AASDH: variants seen among roughly 807,000 people sequenced by gnomAD.
The protein encoded by AASDH is beta-alanine-activating enzyme.
In AASDH, 81 loss-of-function variants were observed where a neutral mutation model predicts 102.3. The ratio of observed to expected loss-of-function variants is 0.79; its 90% confidence interval spans 0.66 to 0.95. AASDH has a LOEUF of 0.95. AASDH is among the 40% of genes least tolerant of loss of function. AASDH has a pLI of 0.00. For synonymous variants in AASDH, 398 were observed against 454.0 expected, an observed-to-expected ratio of 0.88 and a Z score of 1.57; for missense variants, 1,203 against 1,266.2, an observed-to-expected ratio of 0.95 and a Z score of 0.76.
intron 3 of AASDH, among the ~76,000 whole-genome samples, chr4:56,378,805 A>T (rs927253673): frequency 6.7e-4 from 82 of 122,780 alleles, no homozygotes; most frequent in African/African-American, 9.0e-4. Flanking sequence ...TTTTCTGAAT[A>T]TTTTCTTTTT....
rs565738101 is a variant in AASDH at position 56,352,227 on chromosome 4, C to CAGAT, written c.1577-771_1577-770insATCT. Among the ~76,000 whole-genome samples the CAGAT allele has an allele frequency of 4.6e-5, 7 of 152,132 alleles. No homozygotes were observed. The East Asian group carries it at 1.4e-3, about 29-fold the overall frequency. On this transcript the variant is annotated intron_variant, in intron 9 of 14. Transcript: ENST00000205214. The stretch of plus-strand genomic sequence containing the variant: ...AATTGTATGTGTCAATGTGGGTGGG[C>CAGAT]CACAGGGTGCCCAGATTAACCATTT...
At chr4:56,345,614 A>C (rs1255423617) in intron 11 of AASDH, among the ~76,000 whole-genome samples, 1 of 152,208 alleles carries the variant, frequency 6.6e-6, no homozygotes. Context: ...CTGGATTCAG[A>C]TTTCATCACG....
chr4:56,353,662 T>G (rs939832983), intron 8 of AASDH, 66 bp from the exon 9 acceptor site: 2 of 1,382,466 alleles, frequency 1.4e-6, no homozygotes, highest in African/African-American at 2.9e-5. Flanking sequence ...AAAAGCTTAT[T>G]TTTTTAATGT....
chr4:56,357,045 T>C (rs926549138), intron 5 of AASDH: 6 of 332,366 alleles, frequency 1.8e-5, no homozygotes, highest in Admixed American at 7.8e-5. Flanking sequence ...AAAAGCTTTA[T>C]TGAGATATAA....
At chr4:56,378,618 T>C (rs571473928) in intron 3 of AASDH, among the ~76,000 whole-genome samples, 154 bp from the exon 4 acceptor site, 31 of 152,258 alleles carry the variant, frequency 2.0e-4, no homozygotes, top group African/African-American at 7.2e-4. Flanking sequence ...GATGCTCAAG[T>C]CCCTTATATA....
At chr4:56,339,377 C>T (rs1747353488) in intron 14 of AASDH, among the ~76,000 whole-genome samples, 1 of 151,998 alleles carries the variant, frequency 6.6e-6, no homozygotes, top group Non-Finnish European at 1.5e-5. Context: ...GATCTCCTGA[C>T]CTCGTGATCC....
chr4:56,343,478 T>C, intron 13 of AASDH, 84 bp downstream of exon 13: 1 of 1,129,362 alleles, frequency 8.9e-7, no homozygotes, highest in Non-Finnish European at 1.2e-6. Flanking sequence ...AACTGAAAAC[T>C]ACTCAAACTT....
intron 11 of AASDH, among the ~76,000 whole-genome samples, chr4:56,346,071 A>C (rs1174544424): frequency 6.6e-6 from 1 of 152,216 alleles, no homozygotes; most frequent in Non-Finnish European, 1.5e-5. Flanking sequence ...GGAGTCCTTG[A>C]CCTTGGTGTA....
intron 4 of AASDH, among the ~76,000 whole-genome samples, chr4:56,373,099 C>G (rs1166073204): frequency 6.6e-6 from 1 of 152,142 alleles, no homozygotes; most frequent in Admixed American, 6.5e-5. Flanking sequence ...ACAGCCAGCT[C>G]TTACATATTA....
At chr4:56,357,897 T>C (rs1355697265) in intron 5 of AASDH, among the ~76,000 whole-genome samples, 2 of 151,602 alleles carry the variant, frequency 1.3e-5, no homozygotes, top group East Asian at 1.9e-4. Context: ...GCCTACTGGA[T>C]TTTGCTGGGA....
chr4:56,345,998 C>G (rs1031468216), intron 11 of AASDH, among the ~76,000 whole-genome samples: 2 of 152,192 alleles, frequency 1.3e-5, no homozygotes, highest in African/African-American at 4.8e-5. Flanking sequence ...ATCTCCAGAG[C>G]CTATGCTCTT....
Position 56,374,367 on chromosome 4 carries a change from C to CAAAAAAAAAA in AASDH, c.669-2725_669-2724insTTTTTTTTTT, listed in dbSNP as rs752531940. 5.4e-5 allele frequency among the ~76,000 whole-genome samples: 6 copies of CAAAAAAAAAA among 110,220 alleles called. 1 individual carries two copies. Among genetic ancestry groups the CAAAAAAAAAA allele is most frequent in the African/African-American group, 1.3e-4 (4 of 30,016 alleles). The allele number at this position is 110,220 out of a possible 152,430, so 72.3% of individuals were successfully genotyped here. A position where few individuals can be genotyped will look rare whatever the true frequency, so the allele number is the denominator to read the frequency against. ...TGGGTGACAGAGTGAGACTCTGTCT[C>CAAAAAAAAAA]AGAAAAAAAAAAAAAAAAAAAAAGG... On this transcript the variant is annotated intron_variant, in intron 4 of 14. Coordinates refer to ENST00000205214, the MANE Select transcript of AASDH (RefSeq NM_181806.4).
intron 5 of AASDH, among the ~76,000 whole-genome samples, chr4:56,363,669 T>A (rs1179447024): frequency 1.3e-5 from 2 of 152,002 alleles, no homozygotes; most frequent in African/African-American, 4.8e-5. Context: ...GTCCTGACTG[T>A]TGGAAGGAAA....
At position 56,343,571 on chromosome 4, in the gene AASDH, A is replaced by T. The variant is rs777935995; in HGVS notation, c.2766T>A (p.Ala922=). ...ATTATTTTATGCCTACAGGATTTAC[A>T]GCCAGTAAAAGTCCTCCCAATGTAG... ...YFATLGGLLL[A]VNPATGNVIW... is the part of the protein sequence containing the mutation. The change falls in exon 13 of 15, where the codon GCT becomes GCA. Residue 922 remains alanine, a synonymous_variant. Transcript: ENST00000205214. The T allele has an allele frequency of 1.2e-6, 2 of 1,607,130 alleles. No homozygotes were observed. The highest frequency in any genetic ancestry group is 1.7e-5 in the Admixed American group (1 of 59,402).
intron 14 of AASDH, among the ~76,000 whole-genome samples, chr4:56,341,576 G>A (rs1263630683): frequency 2.3e-5 from 2 of 87,628 alleles, no homozygotes; most frequent in African/African-American, 8.1e-5. Flanking sequence ...TTTTTTTTTT[G>A]TATTTTAGTA....
In AASDH at chr4:56,349,383, G is replaced by A. The variant is rs80223230; in HGVS notation, c.2368C>T (p.His790Tyr). ...TCAACTGCCTTCATTCTATGAGAAT[G>A]GGAACCAATGTACACAGTTGTAGAT... ...KSSTTVYIGSHSHRMKAVDFY... is the reference protein window; with the variant it reads ...KSSTTVYIGSYSHRMKAVDFY... Residue 790 changes from histidine (H) to tyrosine (Y), a missense_variant, in exon 11 of 15, where the codon CAT becomes TAT. Physicochemically the swap from His to Tyr is moderately conservative, Grantham distance 83. Coordinates refer to ENST00000205214, the MANE Select transcript of AASDH (RefSeq NM_181806.4). The A allele has an allele frequency of 1.2e-6, 2 of 1,614,146 alleles. No homozygotes were observed. The highest frequency in any genetic ancestry group is 1.7e-6 in the Non-Finnish European group (2 of 1,180,034).
At chr4:56,375,961 C>G (rs1175505253) in intron 4 of AASDH, among the ~76,000 whole-genome samples, 2 of 150,840 alleles carry the variant, frequency 1.3e-5, no homozygotes, top group South Asian at 4.2e-4. Flanking sequence ...ACTACTAATT[C>G]ATTATTTAAA....
chr4:56,378,028 A>G, intron 4 of AASDH, 120 bp downstream of exon 4: 1 of 934,056 alleles, frequency 1.1e-6, no homozygotes, highest in Non-Finnish European at 1.6e-6. Context: ...CTGATCTTGA[A>G]CTCCTGACCT....
intron 6 of AASDH, 108 bp from the exon 7 acceptor site, chr4:56,354,919 G>T (rs558754333): frequency 3.2e-6 from 3 of 932,584 alleles, no homozygotes; most frequent in Non-Finnish European, 4.7e-6. Flanking sequence ...AGTTTGTTAC[G>T]CTCTAATTCA....
Sources: gnomAD v4.1 joint callset for allele counts (sites outside exome capture counted in the v4.1 genomes callset) on GRCh38, gnomAD v4.1.1 for gene constraint, MANE v1.5 for transcripts, NCBI Gene and HGNC (gene_info 2026-07-23, HGNC 2026-07-21) for gene names.